The following PCDHGB5 variants were observed in gnomAD, a reference collection of about 807,000 sequenced individuals.
PCDHGB5 encodes the protein protocadherin gamma-B5.
PCDHGB5 carries 48 observed loss-of-function variants against 62.9 expected under a neutral mutation model. The observed-to-expected ratio is 0.76, with a 90% confidence interval of 0.61 to 0.97. The LOEUF (loss-of-function observed/expected upper bound fraction) is 0.97, where lower values mean the gene tolerates loss of function less well. PCDHGB5 is among the 50% of genes least tolerant of loss of function. The pLI, the probability that PCDHGB5 is intolerant of heterozygous loss-of-function variation, is 0.00. For synonymous variants in PCDHGB5, 474 were observed against 511.2 expected (o/e 0.93, Z 0.98); for missense variants, 1,118 against 1,198.6 (o/e 0.93, Z 0.99).
intron 2 of PCDHGB5, 117 bp downstream of exon 2, chr5:141,494,982 G>C: frequency 6.4e-7 from 1 of 1,563,940 alleles, no homozygotes; most frequent in Non-Finnish European, 8.7e-7. Context: ...CTCAGTTTGA[G>C]ATCCCAGGGA....
chr5:141,419,275 G>T (rs777238100), intron 1 of PCDHGB5: 35 of 1,613,856 alleles, frequency 2.2e-5, no homozygotes, highest in Non-Finnish European at 2.9e-5. Flanking sequence ...CCTCCATAGC[G>T]CAAGTCAGTG....
chr5:141,474,628 A>C (rs1169097645), intron 1 of PCDHGB5, among the ~76,000 whole-genome samples: 1 of 152,234 alleles, frequency 6.6e-6, no homozygotes, highest in Non-Finnish European at 1.5e-5. Flanking sequence ...TCTCTTCCGG[A>C]AATATCCTAT....
chr5:141,473,163 G>T (rs1379230893), intron 1 of PCDHGB5, among the ~76,000 whole-genome samples: 2 of 152,160 alleles, frequency 1.3e-5, no homozygotes, highest in Non-Finnish European at 1.5e-5. Flanking sequence ...GGGCTAGGAA[G>T]GCCCACTGGT....
In PCDHGB5 at chr5:141,398,825, C is replaced by A. The variant is rs747230922; in HGVS notation, c.698C>A (p.Thr233Asn). 1 of 1,613,994 alleles carries A rather than the reference C, an allele frequency of 6.2e-7. No individual in the cohort carries two copies. Among genetic ancestry groups the A allele is most frequent in the South Asian group, 1.1e-5 (1 of 91,082 alleles). The change falls in exon 1 of 4, where the codon ACC becomes AAC. Residue 233 changes from threonine to asparagine, a missense_variant. Around this residue, in one of 2 missense-constraint regions of PCDHGB5, gnomAD observed 1,034 missense variants for 1,029.1 expected, o/e 1.00. Coordinates refer to ENST00000617380, the MANE Select transcript of PCDHGB5 (RefSeq NM_018925.3). The part of the protein sequence containing the change: ...SGTTELRIQV[T>N]DANDNPPVFN... ...ACCACTGAGCTCCGGATCCAGGTAA[C>A]CGACGCCAATGATAATCCCCCGGTA...
chr5:141,401,822 C>T (rs1340105226), intron 1 of PCDHGB5, among the ~76,000 whole-genome samples: 1 of 152,188 alleles, frequency 6.6e-6, no homozygotes, highest in Non-Finnish European at 1.5e-5. Flanking sequence ...TTACAAAGTG[C>T]TGAGATTTCT....
intron 1 of PCDHGB5, chr5:141,423,427 G>A: frequency 1.2e-6 from 2 of 1,614,010 alleles, no homozygotes; most frequent in Non-Finnish European, 1.7e-6. Flanking sequence ...AGGCGGGTTG[G>A]CAGGTATGCC....
rs1053132512 is a variant in PCDHGB5 at position 141,409,714 on chromosome 5, C to A, written c.2397+9190C>A. The A allele has an allele frequency of 3.7e-6, 6 of 1,613,108 alleles. No individual in the cohort carries two copies. The African/African-American group carries it at 8.0e-5, about 22-fold the overall frequency. On this transcript the variant is annotated intron_variant, in intron 1 of 3. Transcript: ENST00000617380. ...TAGAGCCCCTGGCGGTGTCGTCATACGTGTCAGTGAGCGCGCAGAGCGGGG... is the reference window on the plus strand; with the variant it reads ...TAGAGCCCCTGGCGGTGTCGTCATAAGTGTCAGTGAGCGCGCAGAGCGGGG...
intron 1 of PCDHGB5, chr5:141,413,167 C>G: frequency 6.3e-7 from 1 of 1,590,828 alleles, no homozygotes; most frequent in Non-Finnish European, 8.6e-7. Context: ...ATTCTGTAAC[C>G]AGACTACAAT....
chr5:141,495,032 G>T, intron 2 of PCDHGB5, 167 bp downstream of exon 2: 1 of 967,732 alleles, frequency 1.0e-6, no homozygotes, highest in Non-Finnish European at 1.2e-6. Flanking sequence ...GACCCCGGAA[G>T]GAAGAGGCGA....
Position 141,485,778 on chromosome 5 carries a change from G to C in PCDHGB5, c.2398-9029G>C. 1 of 1,614,216 alleles carries C rather than the reference G, an allele frequency of 6.2e-7. No homozygotes were observed. Among genetic ancestry groups the C allele is most frequent in the Non-Finnish European group, 8.5e-7 (1 of 1,180,048 alleles). On this transcript the variant is annotated intron_variant, in intron 1 of 3. Transcript: ENST00000617380. The surrounding 1 kb of genome is among the most constrained non-coding windows in gnomAD (Gnocchi z 5.7). ...CTGCTCCTGGAGAAGCCTTTGGATCGAGAGAAGCAATCGGACTACCGCCTG... is the reference window on the plus strand; with the variant it reads ...CTGCTCCTGGAGAAGCCTTTGGATCCAGAGAAGCAATCGGACTACCGCCTG...
intron 1 of PCDHGB5, among the ~76,000 whole-genome samples, chr5:141,475,237 G>C (rs2099360785): frequency 6.6e-6 from 1 of 152,234 alleles, no homozygotes. Flanking sequence ...AAACGATAGA[G>C]AGAGTGTGCT....
chr5:141,409,183 C>G (rs1217234895), intron 1 of PCDHGB5: 6 of 1,614,028 alleles, frequency 3.7e-6, no homozygotes, highest in Non-Finnish European at 5.1e-6. Context: ...GAGGTGGTCT[C>G]TCTACCCAGT....
chr5:141,441,126 C>A (rs1319809408), intron 1 of PCDHGB5: 2 of 152,062 alleles, frequency 1.3e-5, no homozygotes, highest in Admixed American at 1.3e-4. Context: ...CAGTTGAGAC[C>A]GAATTTCTAG....
In PCDHGB5 at chr5:141,487,954, T is replaced by C. The variant is rs2099669751; in HGVS notation, c.2398-6853T>C. On this transcript the variant is annotated intron_variant, in intron 1 of 3. Transcript: ENST00000617380. The surrounding 1 kb of genome is among the most constrained non-coding windows in gnomAD (Gnocchi z 5.0). ...GGGTACAGTGCACCAGGCAGTCACTTGGACAAAGGTGGCTGTTTTCTCTAC... is the reference window on the plus strand; with the variant it reads ...GGGTACAGTGCACCAGGCAGTCACTCGGACAAAGGTGGCTGTTTTCTCTAC... Among the ~76,000 whole-genome samples the C allele has an allele frequency of 6.6e-6, 1 of 152,182 alleles. No homozygotes were observed. The highest frequency in any genetic ancestry group is 1.5e-5 in the Non-Finnish European group (1 of 68,020).
At chr5:141,468,783 G>A (rs908838744) in intron 1 of PCDHGB5, among the ~76,000 whole-genome samples, 7 of 151,460 alleles carry the variant, frequency 4.6e-5, no homozygotes, top group South Asian at 2.1e-4. Context: ...GGAGAATGGC[G>A]TGAACCCGGG....
chr5:141,414,862 G>A (rs763491057), intron 1 of PCDHGB5: 1 of 1,614,226 alleles, frequency 6.2e-7, no homozygotes, highest in Non-Finnish European at 8.5e-7. Context: ...GAACGACAAT[G>A]CGCCCGAGAT....
At chr5:141,472,980 C>CAAAAAAAAAAAAAAAAAAA (rs60579131) in intron 1 of PCDHGB5, among the ~76,000 whole-genome samples, 6 of 86,104 alleles carry the variant, frequency 7.0e-5, no homozygotes, top group African/African-American at 1.2e-4. Context: ...GAGTGAAACT[C>CAAAAAAAAAAAAAAAAAAA]AAAAAAAAAA....
intron 1 of PCDHGB5, chr5:141,421,421 T>A (rs982627903): frequency 6.2e-7 from 1 of 1,613,876 alleles, no homozygotes; most frequent in Non-Finnish European, 8.5e-7. Flanking sequence ...AAGCGCGGAG[T>A]CCGCATCGTC....
At chr5:141,410,473 A>G (rs1347318074) in intron 1 of PCDHGB5, 1 of 1,614,028 alleles carries the variant, frequency 6.2e-7, no homozygotes, top group East Asian at 2.2e-5. Context: ...TGTGCATTGC[A>G]CATACGGGTA....
Sources: allele counts gnomAD v4.1 joint callset (sites outside exome capture counted in the v4.1 genomes callset), GRCh38; gene constraint gnomAD v4.1.1; regional missense constraint gnomAD v4.1.1; non-coding constraint Gnocchi (gnomAD v3.1); transcripts MANE v1.5; gene names NCBI Gene and HGNC (gene_info 2026-07-23, HGNC 2026-07-21).